Variants in GRID2 observed in about 807,000 individuals in gnomAD.
GRID2 encodes glutamate ionotropic receptor delta type subunit 2, also known as glutamate receptor ionotropic, delta-2.
A neutral mutation model predicts 114.8 loss-of-function variants in GRID2; 33 were observed. The ratio of observed to expected loss-of-function variants is 0.29; its 90% CI spans 0.22 to 0.38. GRID2 has a LOEUF of 0.38. GRID2 is among the 10% of genes least tolerant of loss of function. The pLI, the probability that GRID2 is intolerant of heterozygous loss-of-function variation, is 1.00. For missense variants in GRID2, 1,184 were observed against 1,257.7 expected (o/e 0.94, Z 0.89); for synonymous variants, 505 against 449.9 (o/e 1.12, Z -1.55).
At chr4:92,971,719 T>C (rs1448690087) in intron 2 of GRID2, among the ~76,000 whole-genome samples, 1 of 152,050 alleles carries the variant, frequency 6.6e-6, no homozygotes, top group East Asian at 1.9e-4. Context: ...CAGTCTATAA[T>C]AACCACAATT....
At chr4:93,681,765 A>G (rs1452821295) in intron 14 of GRID2, among the ~76,000 whole-genome samples, 1 of 152,244 alleles carries the variant, frequency 6.6e-6, no homozygotes, top group Non-Finnish European at 1.5e-5. Context: ...CTTACGTCTT[A>G]TACAAAAATT....
At chr4:93,799,123 A>G (rs1014836862) in intron 1 of GRID2, among the ~76,000 whole-genome samples, 1 of 152,246 alleles carries the variant, frequency 6.6e-6, no homozygotes, top group African/African-American at 2.4e-5. Context: ...TACAGTTAAT[A>G]GGATCTATTA....
intron 2 of GRID2, among the ~76,000 whole-genome samples, chr4:92,814,678 G>T (rs183161667): frequency 2.5e-3 from 387 of 152,204 alleles, no homozygotes; most frequent in Middle Eastern, 0.014. Context: ...GAGGGTAATG[G>T]AAAATGCTAT....
chr4:92,922,739 C>T (rs1008545770), intron 2 of GRID2, among the ~76,000 whole-genome samples: 1 of 152,148 alleles, frequency 6.6e-6, no homozygotes, highest in Non-Finnish European at 1.5e-5. Context: ...TGAATCACCA[C>T]TATACAAAAG....
At chr4:92,966,606 G>A (rs1753173323) in intron 2 of GRID2, among the ~76,000 whole-genome samples, 1 of 151,826 alleles carries the variant, frequency 6.6e-6, no homozygotes, top group Non-Finnish European at 1.5e-5. Flanking sequence ...TGGTGAATAA[G>A]TCTCACAAGA....
At chr4:92,333,652 A>G (rs1489220812) in intron 1 of GRID2, among the ~76,000 whole-genome samples, 1 of 152,016 alleles carries the variant, frequency 6.6e-6, no homozygotes, top group African/African-American at 2.4e-5. Flanking sequence ...TTTGCATCTT[A>G]CTATACATGG....
chr4:92,384,518 TATATA>T (rs1729794676), intron 1 of GRID2, among the ~76,000 whole-genome samples: 2 of 24,652 alleles, frequency 8.1e-5, no homozygotes, highest in Admixed American at 2.2e-3. Flanking sequence ...TATATAATAT[TATATA>T]ATATAATATA....
At chr4:93,757,906 G>A (rs548989361) in intron 14 of GRID2, among the ~76,000 whole-genome samples, 56 of 152,186 alleles carry the variant, frequency 3.7e-4, no homozygotes, top group African/African-American at 1.2e-3. Context: ...GCAGTGAGCC[G>A]AGATCGCACC....
chr4:92,822,317 G>A, intron 2 of GRID2: 1 of 618,008 alleles, frequency 1.6e-6, no homozygotes, highest in South Asian at 1.4e-5. Flanking sequence ...AGCACAGAGG[G>A]ATCCATCTGG....
chr4:92,688,825 TC>T (rs2149291031), intron 2 of GRID2, among the ~76,000 whole-genome samples: 1 of 152,330 alleles, frequency 6.6e-6, no homozygotes, highest in East Asian at 1.9e-4. Context: ...GTGAAATCTT[TC>T]TAGAAGGTTT....
At chr4:92,339,385 A>G (rs750409224) in intron 1 of GRID2, among the ~76,000 whole-genome samples, 9 of 152,164 alleles carry the variant, frequency 5.9e-5, no homozygotes, top group South Asian at 2.1e-4. Context: ...GACCAATTCA[A>G]TATTCATTAA....
At chr4:92,729,211 A>T (rs1736211047) in intron 2 of GRID2, among the ~76,000 whole-genome samples, 1 of 152,060 alleles carries the variant, frequency 6.6e-6, no homozygotes, top group African/African-American at 2.4e-5. Context: ...AATAAAAGCA[A>T]AAAGAAAAAC....
At chr4:93,764,663 C>CA (rs1733486792) in intron 14 of GRID2, among the ~76,000 whole-genome samples, 1 of 152,100 alleles carries the variant, frequency 6.6e-6, no homozygotes, top group Non-Finnish European at 1.5e-5. Context: ...GACTATACTC[C>CA]AAAAAGAGAT....
rs572899931 is a variant in GRID2, at chr4:93,790,445, A to T, written c.222-16270A>T. ...GTTCATTTCCAGAAGTTCACTTCCA[A>T]GTCATTTATTTTAAACACATAATGC... On this transcript the variant is annotated intron_variant, in intron 1 of 1. Transcript: ENST00000637838. 3.3e-5 allele frequency among the ~76,000 whole-genome samples: 5 copies of T among 152,256 alleles called. No homozygotes were observed. The South Asian group carries it at 1.0e-3, about 32-fold the overall frequency.
At chr4:93,290,003 C>T (rs112910581) in intron 8 of GRID2, among the ~76,000 whole-genome samples, 4,414 of 152,216 alleles carry the variant, frequency 0.029, 142 homozygotes, top group South Asian at 0.081. Context: ...TACATGATTT[C>T]CAGTGTATAT....
chr4:92,729,221 C>T (rs1736211389), intron 2 of GRID2, among the ~76,000 whole-genome samples: 1 of 151,928 alleles, frequency 6.6e-6, no homozygotes, highest in Non-Finnish European at 1.5e-5. Context: ...AAAAGAAAAA[C>T]AATAAACCAT....
At position 93,518,012 on chromosome 4, in the gene GRID2, TATAC is replaced by T. The variant is rs1189799969; in HGVS notation, c.2193+2608_2193+2611del. Among the ~76,000 whole-genome samples, 39 of 45,188 alleles carry T rather than the reference TATAC, an allele frequency of 8.6e-4. 1 individual carries two copies. Among genetic ancestry groups the T allele is most frequent in the Admixed American group, 2.1e-4 (1 of 4,712 alleles). The allele number at this position is 45,188 out of a possible 152,430, so 29.6% of individuals were successfully genotyped here. ...ATATACATACATGTATATGTATGTA[TATAC>T]ATACATGTACATGTATGTATATATA... On this transcript the variant is annotated intron_variant, in intron 13 of 15. Coordinates refer to ENST00000282020, the MANE Select transcript of GRID2 (RefSeq NM_001510.4).
At chr4:93,267,047 C>G (rs1750917885) in intron 8 of GRID2, among the ~76,000 whole-genome samples, 2 of 145,718 alleles carry the variant, frequency 1.4e-5, no homozygotes, top group South Asian at 4.3e-4. Context: ...ATCTGACATT[C>G]TGCTTCTGAG....
intron 1 of GRID2, among the ~76,000 whole-genome samples, chr4:92,339,308 G>A (rs1164870507): frequency 3.9e-5 from 6 of 151,960 alleles, no homozygotes; most frequent in Non-Finnish European, 1.5e-5. Context: ...CAGAAATAAG[G>A]GGAAAATATT....
Sources: allele counts gnomAD v4.1 joint callset (sites outside exome capture counted in the v4.1 genomes callset), GRCh38; gene constraint gnomAD v4.1.1; transcripts MANE v1.5; gene names NCBI Gene and HGNC (gene_info 2026-07-23, HGNC 2026-07-21).